CACNA1C: variants seen among roughly 807,000 people sequenced by gnomAD.
CACNA1C encodes voltage-dependent L-type calcium channel subunit alpha-1C.
CACNA1C carries 30 observed loss-of-function variants against 229.0 expected under a neutral mutation model. That is an observed-to-expected ratio of 0.13 (90% CI 0.10 to 0.18). The LOEUF (loss-of-function observed/expected upper bound fraction) is 0.18, where lower values mean the gene tolerates loss of function less well. CACNA1C is among the 10% of genes least tolerant of loss of function. The pLI, the probability that CACNA1C is intolerant of heterozygous loss-of-function variation, is 1.00. For missense variants in CACNA1C, 1,658 were observed against 2,845.0 expected (o/e 0.58, Z 9.49); for synonymous variants, 1,114 against 1,132.5 (o/e 0.98, Z 0.33).
chr12:2,375,996 A>T (rs1458076108), intron 3 of CACNA1C, among the ~76,000 whole-genome samples: 1 of 152,238 alleles, frequency 6.6e-6, no homozygotes, highest in Non-Finnish European at 1.5e-5. Flanking sequence ...ACAACGAAGC[A>T]AGCAAATCAA....
intron 5 of CACNA1C, among the ~76,000 whole-genome samples, chr12:2,485,514 T>G (rs534058960): frequency 5.3e-5 from 8 of 152,296 alleles, no homozygotes; most frequent in African/African-American, 1.9e-4. Context: ...TCCTTTACTC[T>G]TTTTTACCAG....
At chr12:2,471,903 A>G (rs2099595486) in intron 5 of CACNA1C, among the ~76,000 whole-genome samples, 1 of 151,612 alleles carries the variant, frequency 6.6e-6, no homozygotes, top group South Asian at 2.1e-4. Flanking sequence ...CTGGCCTTGA[A>G]CTCCTGACCT....
At chr12:2,296,706 G>A (rs998821423) in intron 3 of CACNA1C, among the ~76,000 whole-genome samples, 1 of 152,156 alleles carries the variant, frequency 6.6e-6, no homozygotes, top group Non-Finnish European at 1.5e-5. Context: ...GGAAGCCAGG[G>A]GTTCTAAGGG....
intron 9 of CACNA1C, among the ~76,000 whole-genome samples, chr12:2,518,323 T>A (rs934702615): frequency 2.6e-5 from 4 of 152,106 alleles, no homozygotes; most frequent in Non-Finnish European, 5.9e-5. Context: ...TAAAAAAAAA[T>A]CAGGGCCGGG....
intron 13 of CACNA1C, among the ~76,000 whole-genome samples, chr12:2,573,990 A>C (rs577357336): frequency 2.0e-5 from 3 of 152,198 alleles, no homozygotes; most frequent in Non-Finnish European, 4.4e-5. Context: ...CTTAGGGAGT[A>C]TGCTACATGT....
intron 3 of CACNA1C, among the ~76,000 whole-genome samples, chr12:2,335,022 T>A (rs1363629905): frequency 1.3e-5 from 2 of 152,178 alleles, no homozygotes; most frequent in African/African-American, 4.8e-5. Context: ...TTCCAGGGAC[T>A]CCCACGCCTG....
chr12:2,263,612 G>T (rs1328508727), intron 3 of CACNA1C, among the ~76,000 whole-genome samples: 1 of 152,074 alleles, frequency 6.6e-6, no homozygotes, highest in African/African-American at 2.4e-5. Flanking sequence ...TTGGACCAGA[G>T]TGATAAAGGT....
At position 1,971,307 on chromosome 12, in the gene CACNA1C, C is replaced by G. The variant is rs2032146354; in HGVS notation, c.139+106C>G. The stretch of plus-strand genomic sequence containing the variant: ...TGACTTCCTCACTCTAAGAACTCAT[C>G]TCTCCATATTTAATCAGGATTTACC... On this transcript the variant is annotated intron_variant, in intron 1 of 46. Transcript: ENST00000682462. The surrounding 1 kb of genome is among the most constrained non-coding windows in gnomAD (Gnocchi z 4.2). 2.7e-5 allele frequency: 16 copies of G among 592,986 alleles called. No homozygotes were observed. The South Asian group carries it at 3.0e-4, about 11-fold the overall frequency. The allele number at this position is 592,986 out of a possible 1,614,324, so 36.7% of individuals were successfully genotyped here.
At chr12:2,041,259 C>T (rs1361822254) in intron 1 of CACNA1C, among the ~76,000 whole-genome samples, 1 of 142,154 alleles carries the variant, frequency 7.0e-6, no homozygotes, top group Non-Finnish European at 1.5e-5. Context: ...CACAGTGATG[C>T]TAAGGGTATT....
chr12:2,545,485 G>C (rs944259281), intron 9 of CACNA1C, among the ~76,000 whole-genome samples: 1 of 152,038 alleles, frequency 6.6e-6, no homozygotes, highest in Admixed American at 6.5e-5. Context: ...CCGTACGTTC[G>C]TTAGCAATTC....
chr12:2,044,533 C>T (rs2154495426), intron 1 of CACNA1C, among the ~76,000 whole-genome samples: 1 of 152,226 alleles, frequency 6.6e-6, no homozygotes, highest in East Asian at 1.9e-4. Context: ...GTGAACTAGC[C>T]AAGTGTTAAT....
chr12:2,124,585 A>T (rs772527572), intron 3 of CACNA1C, among the ~76,000 whole-genome samples: 1 of 152,204 alleles, frequency 6.6e-6, no homozygotes, highest in African/African-American at 2.4e-5. Context: ...CATGAGGAAG[A>T]TGGCTCAGAC....
At chr12:2,565,270 C>G (rs369632057) in intron 11 of CACNA1C, among the ~76,000 whole-genome samples, 5 of 151,710 alleles carry the variant, frequency 3.3e-5, no homozygotes, top group Admixed American at 3.3e-4. Flanking sequence ...AGATCGAGAC[C>G]ATCCTGGCTA....
intron 9 of CACNA1C, among the ~76,000 whole-genome samples, chr12:2,538,757 C>T (rs530889124): frequency 2.0e-5 from 3 of 152,216 alleles, no homozygotes; most frequent in African/African-American, 4.8e-5. Flanking sequence ...CATATGGCCA[C>T]GTGCTTGATC....
intron 3 of CACNA1C, among the ~76,000 whole-genome samples, chr12:2,220,054 A>G (rs1017924174): frequency 2.0e-5 from 3 of 152,234 alleles, no homozygotes; most frequent in Admixed American, 1.3e-4. Context: ...TGCATCCTGC[A>G]TCCAGAATCA....
intron 5 of CACNA1C, among the ~76,000 whole-genome samples, chr12:2,483,165 G>A (rs545826123): frequency 1.3e-5 from 2 of 152,326 alleles, no homozygotes; most frequent in South Asian, 2.1e-4. Context: ...AGCCGCGTGC[G>A]CTGGGATTGG....
At chr12:2,462,435 C>T (rs1396907770) in intron 5 of CACNA1C, among the ~76,000 whole-genome samples, 1 of 149,962 alleles carries the variant, frequency 6.7e-6, no homozygotes, top group Admixed American at 6.7e-5. Context: ...GCTCCATTTC[C>T]CCACATCACC....
At chr12:2,545,597 A>C (rs930491794) in intron 9 of CACNA1C, among the ~76,000 whole-genome samples, 1 of 152,234 alleles carries the variant, frequency 6.6e-6, no homozygotes, top group Non-Finnish European at 1.5e-5. Context: ...TCTAAAATAA[A>C]CATAAAATAA....
chr12:2,038,921 A>C (rs925280932), intron 1 of CACNA1C, among the ~76,000 whole-genome samples: 3 of 152,228 alleles, frequency 2.0e-5, no homozygotes, highest in Non-Finnish European at 4.4e-5. Context: ...TTGTCAAAAA[A>C]AAAAGCCTGT....
Sources: allele counts gnomAD v4.1 joint callset (sites outside exome capture counted in the v4.1 genomes callset), GRCh38; gene constraint gnomAD v4.1.1; non-coding constraint Gnocchi (gnomAD v3.1); transcripts MANE v1.5; gene names NCBI Gene and HGNC (gene_info 2026-07-23, HGNC 2026-07-21).